Variants in EPB41L3 observed in about 807,000 individuals in gnomAD.
EPB41L3 encodes the protein erythrocyte membrane protein band 4.1 like 3.
EPB41L3 carries 57 observed loss-of-function variants against 127.1 expected under a neutral mutation model. That is an observed-to-expected ratio of 0.45 (90% CI 0.36 to 0.56). The LOEUF (loss-of-function observed/expected upper bound fraction) is 0.56. EPB41L3 is among the 20% of genes least tolerant of loss of function. EPB41L3 has a pLI of 0.00. For synonymous variants in EPB41L3, 572 were observed against 549.5 expected, an observed-to-expected ratio of 1.04 and a Z score of -0.57; for missense variants, 1,273 against 1,372.2, an observed-to-expected ratio of 0.93 and a Z score of 1.14.
intron 3 of EPB41L3, among the ~76,000 whole-genome samples, chr18:5,565,938 T>C (rs2094193212): frequency 6.6e-6 from 1 of 151,904 alleles, no homozygotes. Context: ...AAACTCTCAA[T>C]AAATTAGGTA....
chr18:5,623,418 T>A (rs1448233795), intron 1 of EPB41L3, among the ~76,000 whole-genome samples: 1 of 152,212 alleles, frequency 6.6e-6, no homozygotes, highest in Non-Finnish European at 1.5e-5. Flanking sequence ...CGGTACTTGA[T>A]CATGCCTGTT....
At chr18:5,609,046 A>C (rs188947485) in intron 3 of EPB41L3, among the ~76,000 whole-genome samples, 1 of 152,342 alleles carries the variant, frequency 6.6e-6, no homozygotes, top group East Asian at 1.9e-4. Flanking sequence ...CATTTTTAGA[A>C]ATTTCAGAAA....
In EPB41L3 at chr18:5,395,707, C is replaced by T; in HGVS notation, c.2974G>A (p.Val992Ile). The change falls in exon 20 of 23, where the codon GTC becomes ATC. Residue 992 changes from valine to isoleucine, a missense_variant and splice_region_variant. Val to Ile is a conservative substitution (Grantham distance 29, BLOSUM62 3). Around this residue, in one of 3 missense-constraint regions of EPB41L3, gnomAD observed 765 missense variants for 782.9 expected, o/e 0.98. Coordinates refer to ENST00000341928, the MANE Select transcript of EPB41L3 (RefSeq NM_012307.5). ...GGCTCCAGATCTGTGCCTGGATCGA[C>T]CTAAAGCAGCAGAGGCATAGACCCC... ...TKTITYESSQ[V>I]DPGTDLEPGV... 1.9e-6 allele frequency: 3 copies of T among 1,613,946 alleles called. No homozygotes were observed. Among genetic ancestry groups the T allele is most frequent in the Non-Finnish European group, 2.5e-6 (3 of 1,179,852 alleles).
chr18:5,490,648 C>T (rs1018841044), intron 1 of EPB41L3, among the ~76,000 whole-genome samples: 3 of 152,238 alleles, frequency 2.0e-5, no homozygotes, highest in Non-Finnish European at 4.4e-5. Context: ...AATGAACAGA[C>T]TTTCTTTTTT....
intron 1 of EPB41L3, among the ~76,000 whole-genome samples, chr18:5,490,772 G>A (rs2090498087): frequency 1.3e-5 from 2 of 152,172 alleles, no homozygotes; most frequent in South Asian, 2.1e-4. Flanking sequence ...CAGTAGAGGA[G>A]GAGGAAAGGT....
In EPB41L3 at chr18:5,489,081, C is replaced by G. The variant is rs2090268158; in HGVS notation, c.103G>C (p.Glu35Gln). Residue 35 changes from glutamate (E) to glutamine (Q), a missense_variant, in exon 2 of 23, where the codon GAG becomes CAG. Physicochemically the swap from Glu to Gln is conservative, Grantham distance 29. Transcript: ENST00000341928. Reference protein sequence around the residue: ...AQGRAGAPVPEPPKEEQQQAL... With the variant: ...AQGRAGAPVPQPPKEEQQQAL... ...TGCTGCTGCTCCTCCTTGGGCGGCTCCGGCACGGGCGCCCCCGCGCGCCCC... is the reference window on the plus strand; with the variant it reads ...TGCTGCTGCTCCTCCTTGGGCGGCTGCGGCACGGGCGCCCCCGCGCGCCCC... 1 of 1,593,412 alleles carries G rather than the reference C, an allele frequency of 6.3e-7. No homozygotes were observed. The highest frequency in any genetic ancestry group is 8.5e-7 in the Non-Finnish European group (1 of 1,174,062).
rs1247077349 is a variant in EPB41L3, at chr18:5,392,768, C to G, written c.*717G>C. 1.3e-5 allele frequency: 2 copies of G among 152,328 alleles called. No homozygotes were observed. Among genetic ancestry groups the G allele is most frequent in the African/African-American group, 4.8e-5 (2 of 41,424 alleles). 9.4% of individuals were successfully genotyped at this position (152,328 alleles called of 1,614,324 possible). A position where few individuals can be genotyped will look rare whatever the true frequency, so the allele number is the denominator to read the frequency against. ...CTTCCCAAAATAATGACAATTTAAG[C>G]TCTCTGGATTGAACACAGACCAAAG... On this transcript the variant is annotated 3_prime_UTR_variant, in exon 23 of 23. Coordinates refer to ENST00000341928, the MANE Select transcript of EPB41L3 (RefSeq NM_012307.5).
At chr18:5,628,650 G>T (rs956396165) in intron 1 of EPB41L3, among the ~76,000 whole-genome samples, 1 of 152,242 alleles carries the variant, frequency 6.6e-6, no homozygotes, top group Non-Finnish European at 1.5e-5. Context: ...CAGCCCGAGC[G>T]AGCCCAGGCG....
chr18:5,502,327 T>C (rs2091817273), intron 1 of EPB41L3, among the ~76,000 whole-genome samples: 1 of 151,952 alleles, frequency 6.6e-6, no homozygotes, highest in South Asian at 2.1e-4. Context: ...CCTGAAAGGC[T>C]GAAATGCAGT....
At chr18:5,420,170 G>C (rs2077298259) in intron 11 of EPB41L3, 1 of 488,262 alleles carries the variant, frequency 2.0e-6, no homozygotes, top group Admixed American at 3.5e-5. Flanking sequence ...TCTATCCTCA[G>C]ACTCTCTGCT....
intron 12 of EPB41L3, among the ~76,000 whole-genome samples, chr18:5,416,590 C>A (rs1324244597): frequency 6.6e-6 from 1 of 152,172 alleles, no homozygotes; most frequent in Non-Finnish European, 1.5e-5. Context: ...GAGACTATCA[C>A]ATACAGGTGG....
chr18:5,403,678 CA>C lies in EPB41L3; in HGVS notation c.2349+3098del, dbSNP rs545619434. ...TCTAAGTTTCTTTCTGATTCTGACA[CA>C]AAATAACCACTACTTTATTAGAGAT... On this transcript the variant is annotated intron_variant, in intron 16 of 22. Transcript: ENST00000341928. 3.6e-4 allele frequency among the ~76,000 whole-genome samples: 54 copies of C among 150,582 alleles called. 1 individual carries two copies. The East Asian group carries it at 9.8e-3, about 27-fold the overall frequency.
rs1029510939 is a variant in EPB41L3 at position 5,620,597 on chromosome 18, A to G, written c.-467-6174T>C. Among the ~76,000 whole-genome samples, 3 of 152,224 alleles carry G rather than the reference A, an allele frequency of 2.0e-5. No individual in the cohort carries two copies. The South Asian group carries it at 6.2e-4, about 32-fold the overall frequency. On this transcript the variant is annotated intron_variant, in intron 1 of 21. Coordinates refer to the EPB41L3 transcript ENST00000545076. ...TTACTCATCCTTTATAATAATGTAG[A>G]TGATGTTGTAACATGACAATATTCC...
chr18:5,438,244 TG>T (rs2080160905), intron 5 of EPB41L3, 134 bp from the exon 6 acceptor site: 1 of 667,368 alleles, frequency 1.5e-6, no homozygotes, highest in African/African-American at 1.8e-5. Flanking sequence ...TGGGAAACCT[TG>T]GTCACATGAA....
chr18:5,403,794 C>A (rs9957794), intron 16 of EPB41L3, among the ~76,000 whole-genome samples: 2,074 of 151,986 alleles, frequency 0.014, 52 homozygotes, highest in African/African-American at 0.048. Flanking sequence ...TTGAAGTAGG[C>A]TTTATTATAA....
intron 3 of EPB41L3, among the ~76,000 whole-genome samples, chr18:5,551,965 A>C (rs901742383): frequency 6.6e-6 from 1 of 152,250 alleles, no homozygotes; most frequent in African/African-American, 2.4e-5. Flanking sequence ...TTAGGAGTAA[A>C]TGGAGTTGAG....
intron 3 of EPB41L3, among the ~76,000 whole-genome samples, chr18:5,476,263 A>G (rs2087196564): frequency 6.6e-6 from 1 of 152,214 alleles, no homozygotes; most frequent in Non-Finnish European, 1.5e-5. Context: ...TTCTACCAGC[A>G]AAAGTTTTTA....
At chr18:5,481,421 C>T (rs895324558) in intron 2 of EPB41L3, among the ~76,000 whole-genome samples, 3 of 152,182 alleles carry the variant, frequency 2.0e-5, no homozygotes, top group South Asian at 2.1e-4. Context: ...TGATTCTGCC[C>T]GGCAATAAAA....
chr18:5,525,132 A>G (rs1411932335), intron 1 of EPB41L3, among the ~76,000 whole-genome samples: 1 of 152,142 alleles, frequency 6.6e-6, no homozygotes, highest in Admixed American at 6.5e-5. Context: ...AAGTGACAAA[A>G]GTCCCCTCTA....
Sources: gnomAD v4.1 joint callset for allele counts (sites outside exome capture counted in the v4.1 genomes callset) on GRCh38, gnomAD v4.1.1 for gene constraint, gnomAD v4.1.1 regional missense constraint, MANE v1.5 for transcripts, NCBI Gene and HGNC (gene_info 2026-07-23, HGNC 2026-07-21) for gene names.